MDN1: variants seen among roughly 807,000 people sequenced by gnomAD.
MDN1 encodes the protein midasin.
MDN1 carries 266 observed loss-of-function variants against 669.2 expected under a neutral mutation model. The ratio of observed to expected loss-of-function variants is 0.40; its 90% CI spans 0.36 to 0.44. MDN1 has a LOEUF of 0.44. Among genes scored for constraint, MDN1 ranks in the 20% least tolerant of loss-of-function variants. MDN1 has a pLI of 1.00. For missense variants in MDN1, 5,940 were observed against 6,754.0 expected, an observed-to-expected ratio of 0.88 and a Z score of 4.22; for synonymous variants, 2,385 against 2,457.1, an observed-to-expected ratio of 0.97 and a Z score of 0.87.
At chr6:89,644,288 T>G in intron 101 of MDN1, 95 bp from the exon 102 acceptor site, 2 of 1,018,164 alleles carry the variant, frequency 2.0e-6, no homozygotes, top group Non-Finnish European at 2.9e-6. Flanking sequence ...CTTTTACATC[T>G]CCTGTGTCTT....
At chr6:89,814,356 G>A (rs1768662446) in intron 1 of MDN1, among the ~76,000 whole-genome samples, 1 of 149,978 alleles carries the variant, frequency 6.7e-6, no homozygotes, top group Admixed American at 6.7e-5. Context: ...CCTGAAAGAA[G>A]TATTTCAGGT....
chr6:89,709,855 C>G (rs1386734104), intron 50 of MDN1, among the ~76,000 whole-genome samples: 1 of 152,128 alleles, frequency 6.6e-6, no homozygotes, highest in Admixed American at 6.5e-5. Flanking sequence ...GATCAGATAT[C>G]TTAGATGTCT....
At position 89,790,516 on chromosome 6, in the gene MDN1, T is replaced by C. The variant is rs1354449816; in HGVS notation, c.856-115A>G. The C allele has an allele frequency of 7.1e-6, 9 of 1,274,020 alleles. No homozygotes were observed. In the East Asian group the frequency reaches 1.6e-4, roughly 23 times the overall value. The allele number at this position is 1,274,020 out of a possible 1,614,324, so 78.9% of individuals were successfully genotyped here. A position where few individuals can be genotyped will look rare whatever the true frequency, so the allele number is the denominator to read the frequency against. On this transcript the variant is annotated intron_variant, in intron 5 of 101. Coordinates refer to ENST00000369393, the MANE Select transcript of MDN1 (RefSeq NM_014611.3). ...ACACAAACCTCTGTAAGTAAATTAG[T>C]AGTACCAAAACTATAATAACAACAG...
chr6:89,769,679 T>C (rs528267589), intron 15 of MDN1, among the ~76,000 whole-genome samples: 12 of 152,224 alleles, frequency 7.9e-5, no homozygotes, highest in Admixed American at 3.3e-4. Context: ...AACAGATATA[T>C]TCTATTCACC....
chr6:89,647,999 CTG>C, intron 99 of MDN1, 31 bp downstream of exon 99: 3 of 1,493,612 alleles, frequency 2.0e-6, no homozygotes, highest in Non-Finnish European at 1.9e-6. Context: ...TTAAAAATAA[CTG>C]TGCAGAAGAC....
At chr6:89,734,688 A>G (rs1242042501) in intron 33 of MDN1, among the ~76,000 whole-genome samples, 1 of 98,206 alleles carries the variant, frequency 1.0e-5, no homozygotes, top group African/African-American at 3.8e-5. Context: ...AAAAAAAAAA[A>G]ACAAGAGAGA....
At chr6:89,723,256 G>C in intron 39 of MDN1, 113 bp from the exon 40 acceptor site, 1 of 1,086,494 alleles carries the variant, frequency 9.2e-7, no homozygotes, top group South Asian at 1.5e-5. Flanking sequence ...AAATTAACAG[G>C]CTTGATTCAG....
At chr6:89,718,231 A>T in intron 43 of MDN1, 135 bp downstream of exon 43, 1 of 995,098 alleles carries the variant, frequency 1.0e-6, no homozygotes, top group Non-Finnish European at 1.4e-6. Flanking sequence ...TTTACTTTCT[A>T]GGTCAAACTT....
Position 89,780,297 on chromosome 6 carries a change from TAAAAAAAAG to T in MDN1, c.1644-13_1644-5del. The T allele has an allele frequency of 6.5e-7, 1 of 1,535,250 alleles. No homozygotes were observed. Among genetic ancestry groups the T allele is most frequent in the Non-Finnish European group, 8.8e-7 (1 of 1,139,410 alleles). On this transcript the variant is annotated splice_polypyrimidine_tract_variant and splice_region_variant and intron_variant, in intron 10 of 101. Transcript: ENST00000369393. ...ATTACACCAATTCAGCAGATCCCTT[TAAAAAAAAG>T]AAAGAAAAGAAAAAACAAAGAAAAG... is the stretch of plus-strand genomic sequence containing the variant.
At chr6:89,660,202 T>C (rs1224103555) in intron 88 of MDN1, among the ~76,000 whole-genome samples, 1 of 152,146 alleles carries the variant, frequency 6.6e-6, no homozygotes, top group Non-Finnish European at 1.5e-5. Context: ...TTTAATTTTT[T>C]AGAGACAGAG....
At chr6:89,760,983 AC>A (rs1817514338) in intron 17 of MDN1, among the ~76,000 whole-genome samples, 2 of 152,082 alleles carry the variant, frequency 1.3e-5, no homozygotes, top group African/African-American at 4.8e-5. Context: ...ACACGGTGAA[AC>A]CCCGTCTCTA....
intron 15 of MDN1, among the ~76,000 whole-genome samples, chr6:89,768,872 A>G (rs185474630): frequency 7.2e-5 from 11 of 152,348 alleles, no homozygotes; most frequent in African/African-American, 2.6e-4. Flanking sequence ...TCTGGGCAAC[A>G]TAGTGAGACC....
At chr6:89,772,758 G>A (rs1264769228) in intron 13 of MDN1, 37 bp from the exon 14 acceptor site, 3 of 1,601,570 alleles carry the variant, frequency 1.9e-6, no homozygotes, top group African/African-American at 2.7e-5. Context: ...AAACCACGCT[G>A]CAAGCTTCTC....
rs150241763 is a variant in MDN1, at chr6:89,737,940, T to C, written c.4723+386A>G. ...GTTTTCGCCATGTTGGCCAGGCTGC[T>C]CTCGAACTCCTGACCTCAAGTGATC... is the stretch of plus-strand genomic sequence containing the variant. On this transcript the variant is annotated intron_variant, in intron 33 of 101. Transcript: ENST00000369393. 6.1e-3 allele frequency among the ~76,000 whole-genome samples: 934 copies of C among 152,234 alleles called. 9 individuals are homozygous for C. The highest frequency in any genetic ancestry group is 0.02 in the African/African-American group (841 of 41,536).
intron 61 of MDN1, among the ~76,000 whole-genome samples, chr6:89,694,641 T>C (rs1157124818): frequency 6.6e-6 from 1 of 151,860 alleles, no homozygotes; most frequent in African/African-American, 2.4e-5. Context: ...CCCCGCAGGC[T>C]CAAGTGATCC....
rs1316508533 is a variant in MDN1 at position 89,670,270 on chromosome 6, G to C, written c.13956+649C>G. ...CTCACTGCAACCTCCGCCTCCCCGGGTTCAAACAATTCTCCTGTCTCAGCC... is the reference window on the plus strand; with the variant it reads ...CTCACTGCAACCTCCGCCTCCCCGGCTTCAAACAATTCTCCTGTCTCAGCC... On this transcript the variant is annotated intron_variant, in intron 83 of 101. Transcript: ENST00000369393. 6.2e-5 allele frequency among the ~76,000 whole-genome samples: 9 copies of C among 144,548 alleles called. No homozygotes were observed. The East Asian group carries it at 1.9e-3, about 31-fold the overall frequency. 94.8% of individuals were successfully genotyped at this position (144,548 alleles called of 152,430 possible).
At chr6:89,789,129 A>C (rs1481892060) in intron 7 of MDN1, among the ~76,000 whole-genome samples, 1 of 152,018 alleles carries the variant, frequency 6.6e-6, no homozygotes, top group Admixed American at 6.5e-5. Flanking sequence ...GTCTCACAAA[A>C]AAAAAAAAGA....
chr6:89,702,212 A>G, intron 53 of MDN1, 151 bp from the exon 54 acceptor site: 1 of 681,382 alleles, frequency 1.5e-6, no homozygotes, highest in Non-Finnish European at 2.3e-6. Flanking sequence ...CTCAATTTAC[A>G]TACACCAAAA....
chr6:89,819,686 T>C lies in MDN1; in HGVS notation c.-79A>G, dbSNP rs1389197341. ...CGTCCCCAAGCCGCCGAGGTCCCAG[T>C]GCCCGAGCAGCCAGCAACTACGCCC... On this transcript the variant is annotated 5_prime_UTR_variant, in exon 1 of 102. Coordinates refer to ENST00000369393, the MANE Select transcript of MDN1 (RefSeq NM_014611.3). 6 of 1,212,508 alleles carry C rather than the reference T, an allele frequency of 4.9e-6. No homozygotes were observed. Among genetic ancestry groups the C allele is most frequent in the African/African-American group, 1.5e-5 (1 of 67,282 alleles). 75.1% of individuals were successfully genotyped at this position (1,212,508 alleles called of 1,614,324 possible).
Sources: gnomAD v4.1 joint callset for allele counts (sites outside exome capture counted in the v4.1 genomes callset) on GRCh38, gnomAD v4.1.1 for gene constraint, MANE v1.5 for transcripts, NCBI Gene and HGNC (gene_info 2026-07-23, HGNC 2026-07-21) for gene names.